Variants in FAM168A observed in about 807,000 individuals in gnomAD.
FAM168A encodes the protein family with sequence similarity 168 member A, also known as protein FAM168A.
A neutral mutation model predicts 28.5 loss-of-function variants in FAM168A; 3 were observed. The observed-to-expected ratio is 0.11, with a 90% CI of 0.05 to 0.27. The LOEUF (loss-of-function observed/expected upper bound fraction) is 0.27. Ranked by LOEUF, FAM168A falls within the 10% of genes least tolerant of loss-of-function variation. The probability of loss-of-function intolerance (pLI) is 1.00; values close to 1 mark genes in which losing one functional copy is unlikely to be tolerated. For missense variants in FAM168A, 222 were observed against 311.5 expected, an observed-to-expected ratio of 0.71 and a Z score of 2.16; for synonymous variants, 122 against 124.2, an observed-to-expected ratio of 0.98 and a Z score of 0.12.
chr11:73,451,566 A>ATTTCAGTCACTGACT (rs61584300), intron 2 of FAM168A, among the ~76,000 whole-genome samples: 3 of 152,090 alleles, frequency 2.0e-5, no homozygotes, highest in Admixed American at 1.3e-4. Flanking sequence ...GCATAATGAC[A>ATTTCAGTCACTGACT]GCATATATGA....
chr11:73,424,288 C>CA (rs1866845670), intron 3 of FAM168A, among the ~76,000 whole-genome samples: 1 of 152,136 alleles, frequency 6.6e-6, no homozygotes, highest in Non-Finnish European at 1.5e-5. Context: ...AGAAATTTTA[C>CA]AAAAACATTT....
intron 1 of FAM168A, among the ~76,000 whole-genome samples, chr11:73,500,611 TA>T (rs749478557): frequency 2.0e-5 from 3 of 151,920 alleles, no homozygotes; most frequent in Non-Finnish European, 4.4e-5. Flanking sequence ...TAAGGAGAAA[TA>T]AAATCCTTTC....
chr11:73,457,381 C>T (rs1192042832), intron 2 of FAM168A, among the ~76,000 whole-genome samples: 1 of 149,320 alleles, frequency 6.7e-6, no homozygotes, highest in African/African-American at 2.5e-5. Context: ...CAGAGTGAAA[C>T]TCCATCTCGT....
rs957659371 is a variant in FAM168A, at chr11:73,403,112, C to G, written c.*3651G>C. 1.3e-5 allele frequency: 2 copies of G among 152,132 alleles called. No individual in the cohort carries two copies. Among genetic ancestry groups the G allele is most frequent in the Non-Finnish European group, 2.9e-5 (2 of 68,032 alleles). The allele number at this position is 152,132 out of a possible 1,614,324, so 9.4% of individuals were successfully genotyped here. On this transcript the variant is annotated 3_prime_UTR_variant, in exon 8 of 8. Transcript: ENST00000356467. ...AACCAATGTCAAAGTACTTTGCATA[C>G]CAAAAACGCTCTGGACAGGTGTGTG...
chr11:73,403,053 T>C lies in FAM168A; in HGVS notation c.*3710A>G, dbSNP rs1866441003. The C allele has an allele frequency of 6.6e-6, 1 of 152,186 alleles. No homozygotes were observed. Among genetic ancestry groups the C allele is most frequent in the Non-Finnish European group, 1.5e-5 (1 of 68,038 alleles). The allele number at this position is 152,186 out of a possible 1,614,324, so 9.4% of individuals were successfully genotyped here. On this transcript the variant is annotated 3_prime_UTR_variant, in exon 8 of 8. Coordinates refer to ENST00000356467, the MANE Select transcript of FAM168A (RefSeq NM_015159.3). Reference sequence around the variant, plus strand: ...AGCAAGTCTCAAGCCTCCTGAGCCTTAGTTTTTTCATCTATAAAATGGAGG... The same window carrying C: ...AGCAAGTCTCAAGCCTCCTGAGCCTCAGTTTTTTCATCTATAAAATGGAGG...
At chr11:73,487,394 C>T (rs188979341) in intron 1 of FAM168A, among the ~76,000 whole-genome samples, 14 of 152,284 alleles carry the variant, frequency 9.2e-5, no homozygotes, top group Non-Finnish European at 1.3e-4. Flanking sequence ...GGCCTTGAAC[C>T]ACTTACAGAC....
In FAM168A at chr11:73,433,079, T is replaced by C. The variant is rs1371935646; in HGVS notation, c.71-2309A>G. ...GGTGCGTGCCACCACGCCCCGCCTTTTTTTTTTTTTTTTTTTTTTTTTTTT... is the reference window on the plus strand; with the variant it reads ...GGTGCGTGCCACCACGCCCCGCCTTCTTTTTTTTTTTTTTTTTTTTTTTTT... On this transcript the variant is annotated intron_variant, in intron 2 of 7. Coordinates refer to ENST00000356467, the MANE Select transcript of FAM168A (RefSeq NM_015159.3). Among the ~76,000 whole-genome samples, 36 of 124,252 alleles carry C rather than the reference T, an allele frequency of 2.9e-4. 1 individual carries two copies. Among genetic ancestry groups the C allele is most frequent in the African/African-American group, 1.2e-3 (35 of 28,668 alleles). 81.5% of individuals were successfully genotyped at this position (124,252 alleles called of 152,430 possible).
At chr11:73,463,497 A>C (rs1183533544) in intron 2 of FAM168A, among the ~76,000 whole-genome samples, 1 of 152,206 alleles carries the variant, frequency 6.6e-6, no homozygotes, top group Non-Finnish European at 1.5e-5. Flanking sequence ...ACATTCATGG[A>C]GGAGATGTTC....
chr11:73,485,674 T>A (rs1279007296), intron 1 of FAM168A, among the ~76,000 whole-genome samples: 9 of 152,184 alleles, frequency 5.9e-5, no homozygotes, highest in Admixed American at 5.9e-4. Context: ...ACGTGTATTT[T>A]AAAAATTCAT....
At position 73,529,026 on chromosome 11, in the gene FAM168A, G is replaced by C. The variant is rs73546705; in HGVS notation, c.-18-60534C>G. On this transcript the variant is annotated intron_variant, in intron 1 of 7. Transcript: ENST00000356467. ...AAAAAAAAAAGTACCCTGCTGCTAGGTAGCAACTGTTTCACAAATCAGGTG... is the reference window on the plus strand; with the variant it reads ...AAAAAAAAAAGTACCCTGCTGCTAGCTAGCAACTGTTTCACAAATCAGGTG... Among the ~76,000 whole-genome samples, 878 of 152,214 alleles carry C rather than the reference G, an allele frequency of 5.8e-3. 8 individuals carry two copies. The highest frequency in any genetic ancestry group is 0.02 in the African/African-American group (849 of 41,530).
Position 73,561,946 on chromosome 11 carries a change from C to CT in FAM168A, c.-19+35976dup, listed in dbSNP as rs1298644804. 5.6e-3 allele frequency among the ~76,000 whole-genome samples: 819 copies of CT among 146,868 alleles called. 5 individuals carry two copies. The highest frequency in any genetic ancestry group is 0.018 in the African/African-American group (742 of 40,236). ...GTTTAAAACATTACAGGAGGATTTTCTTTTTTTTTTTCCAAAGACTGAGTC... is the reference window on the plus strand; with the variant it reads ...GTTTAAAACATTACAGGAGGATTTTCTTTTTTTTTTTTCCAAAGACTGAGTC... On this transcript the variant is annotated intron_variant, in intron 1 of 7. Coordinates refer to ENST00000356467, the MANE Select transcript of FAM168A (RefSeq NM_015159.3).
chr11:73,539,200 A>C (rs920429260), intron 1 of FAM168A, among the ~76,000 whole-genome samples: 5 of 152,204 alleles, frequency 3.3e-5, no homozygotes, highest in African/African-American at 1.2e-4. Context: ...AATCAATTGA[A>C]TTAAATGATC....
At chr11:73,447,958 A>G (rs1243817437) in intron 2 of FAM168A, among the ~76,000 whole-genome samples, 1 of 152,224 alleles carries the variant, frequency 6.6e-6, no homozygotes, top group East Asian at 1.9e-4. Context: ...TCTCTTATAT[A>G]AAACGGGATA....
chr11:73,524,000 T>C (rs892383515), intron 1 of FAM168A, among the ~76,000 whole-genome samples: 1 of 151,982 alleles, frequency 6.6e-6, no homozygotes, highest in African/African-American at 2.4e-5. Flanking sequence ...AGCACTGGTA[T>C]AGGTAGGAGC....
At chr11:73,532,637 G>A (rs1457434657) in intron 1 of FAM168A, among the ~76,000 whole-genome samples, 1 of 152,160 alleles carries the variant, frequency 6.6e-6, no homozygotes, top group Non-Finnish European at 1.5e-5. Context: ...TACATAAATT[G>A]GAAAATAGAC....
intron 3 of FAM168A, among the ~76,000 whole-genome samples, chr11:73,427,441 C>T (rs1453507968): frequency 6.6e-6 from 1 of 152,168 alleles, no homozygotes; most frequent in African/African-American, 2.4e-5. Flanking sequence ...CAGCCTCCTC[C>T]TATCTGCACT....
intron 2 of FAM168A, among the ~76,000 whole-genome samples, chr11:73,432,403 G>C (rs1003575156): frequency 2.6e-4 from 40 of 152,082 alleles, no homozygotes; most frequent in African/African-American, 8.7e-4. Flanking sequence ...CAATGCATGA[G>C]AGTTCAAATT....
chr11:73,554,533 C>T lies in FAM168A; in HGVS notation c.-19+43390G>A, dbSNP rs573238294. ...AATCTCTGCATGGCAGAATATAGAG[C>T]GATATTATTTGCCAAGTTTTCTAGT... On this transcript the variant is annotated intron_variant, in intron 1 of 7. Transcript: ENST00000356467. Among the ~76,000 whole-genome samples the T allele has an allele frequency of 5.3e-5, 8 of 152,102 alleles. No individual in the cohort carries two copies. The South Asian group carries it at 1.7e-3, about 32-fold the overall frequency.
At chr11:73,470,991 G>A (rs1185973979) in intron 1 of FAM168A, among the ~76,000 whole-genome samples, 1 of 152,180 alleles carries the variant, frequency 6.6e-6, no homozygotes, top group East Asian at 1.9e-4. Context: ...GGTAGATCAT[G>A]CCTGGGGTAG....
Sources: gnomAD v4.1 joint callset for allele counts (sites outside exome capture counted in the v4.1 genomes callset) on GRCh38, gnomAD v4.1.1 for gene constraint, MANE v1.5 for transcripts, NCBI Gene and HGNC (gene_info 2026-07-23, HGNC 2026-07-21) for gene names.